The following ASB4 variants were observed in gnomAD, a reference collection of about 807,000 sequenced individuals.
ASB4 encodes ankyrin repeat and SOCS box containing 4.
Under a neutral mutation model 38.6 loss-of-function variants are expected in ASB4, and 35 were observed. The ratio of observed to expected loss-of-function variants is 0.91; its 90% confidence interval spans 0.69 to 1.20. ASB4 has a LOEUF of 1.20. Ranked by LOEUF, ASB4 falls within the 50% of genes most tolerant of loss-of-function variation. ASB4 has a pLI of 0.00. For synonymous variants in ASB4, 195 were observed against 201.3 expected (o/e 0.97, Z 0.26); for missense variants, 557 against 527.2 (o/e 1.06, Z -0.55).
At chr7:95,488,178 A>G (rs1039540490) in intron 1 of ASB4, among the ~76,000 whole-genome samples, 4 of 152,144 alleles carry the variant, frequency 2.6e-5, no homozygotes, top group Non-Finnish European at 5.9e-5. Flanking sequence ...CATTTCTACT[A>G]AAAATACAAA....
At chr7:95,504,357 G>A (rs965374894) in intron 2 of ASB4, among the ~76,000 whole-genome samples, 4 of 125,656 alleles carry the variant, frequency 3.2e-5, no homozygotes, top group African/African-American at 1.4e-4. Context: ...TCAACCACAT[G>A]TTAGGAAATT....
upstream of ASB4, among the ~76,000 whole-genome samples, chr7:95,477,100 C>G (rs183087954): frequency 9.4e-3 from 1,428 of 151,916 alleles, 8 homozygotes; most frequent in Non-Finnish European, 0.016. Flanking sequence ...TCCGCATTGG[C>G]TTGGATTTTT....
chr7:95,501,579 T>C (rs1159742912), intron 2 of ASB4, among the ~76,000 whole-genome samples: 1 of 152,266 alleles, frequency 6.6e-6, no homozygotes, highest in East Asian at 1.9e-4. Flanking sequence ...ATAGTCATCC[T>C]GCTATACATT....
chr7:95,492,498 C>G (rs1283629697), intron 1 of ASB4, among the ~76,000 whole-genome samples: 3 of 152,122 alleles, frequency 2.0e-5, no homozygotes. Flanking sequence ...TTGAGGCAGG[C>G]AACTCATGGC....
the ASB4 span, among the ~76,000 whole-genome samples, chr7:95,549,488 A>G: frequency 0.44 from 66,538 of 151,112 alleles, 14,994 homozygotes; most frequent in East Asian, 0.82. Flanking sequence ...TAGTAGAGAC[A>G]GGGTTTCACC....
At chr7:95,545,581 A>G in the ASB4 span, among the ~76,000 whole-genome samples, 4 of 149,164 alleles carry the variant, frequency 2.7e-5, no homozygotes, top group Non-Finnish European at 6.0e-5. Flanking sequence ...CTCTTCCCTT[A>G]TTGTTTCTTG....
At chr7:95,534,413 G>A (rs1346723671) in intron 3 of ASB4, among the ~76,000 whole-genome samples, 1 of 151,078 alleles carries the variant, frequency 6.6e-6, no homozygotes, top group African/African-American at 2.4e-5. Context: ...CCTTATTTCT[G>A]TCAATCAGTG....
intron 2 of ASB4, among the ~76,000 whole-genome samples, chr7:95,510,741 T>C (rs1790468148): frequency 1.3e-5 from 2 of 152,196 alleles, no homozygotes; most frequent in South Asian, 4.1e-4. Context: ...TCTGACCCAC[T>C]CTCTTTAAAT....
rs1235282887 is a variant in ASB4 at position 95,538,771 on chromosome 7, A to T, written c.*1012A>T. 6.6e-6 allele frequency: 1 copy of T among 152,192 alleles called. No homozygotes were observed. Among genetic ancestry groups the T allele is most frequent in the Non-Finnish European group, 1.5e-5 (1 of 68,040 alleles). 9.4% of individuals were successfully genotyped at this position (152,192 alleles called of 1,614,324 possible). On this transcript the variant is annotated 3_prime_UTR_variant, in exon 5 of 5. Transcript: ENST00000325885. Reference sequence around the variant, plus strand: ...CTCAATGGCTCCAGTGCATGTGACAAGGAAGCATAGGAAAATGGGGGAAAG... The same window carrying T: ...CTCAATGGCTCCAGTGCATGTGACATGGAAGCATAGGAAAATGGGGGAAAG...
chr7:95,508,099 T>A (rs1790434820), intron 2 of ASB4, among the ~76,000 whole-genome samples: 1 of 152,026 alleles, frequency 6.6e-6, no homozygotes, highest in Non-Finnish European at 1.5e-5. Context: ...AACCTGAGCA[T>A]TTAAAAAACT....
At chr7:95,489,674 C>T (rs1200868774) in intron 1 of ASB4, among the ~76,000 whole-genome samples, 1 of 152,068 alleles carries the variant, frequency 6.6e-6, no homozygotes, top group Non-Finnish European at 1.5e-5. Flanking sequence ...TTGCGTTTAC[C>T]AGATGATCAC....
intron 2 of ASB4, among the ~76,000 whole-genome samples, chr7:95,510,633 T>C (rs1454707128): frequency 6.6e-6 from 1 of 152,228 alleles, no homozygotes; most frequent in Non-Finnish European, 1.5e-5. Context: ...TTCTCAAGTT[T>C]GGGTTGCTTA....
chr7:95,515,296 TCTTTCTTTCTTTCTTTCTTTCTTC>T (rs1296950865), intron 2 of ASB4, among the ~76,000 whole-genome samples: 3 of 127,336 alleles, frequency 2.4e-5, no homozygotes, highest in African/African-American at 8.5e-5. Context: ...TTTCTTTCTT[TCTTTCTTTCTTTCTTTCTTTCTTC>T]CTTCCTTCCT....
chr7:95,541,528 C>T (rs896497755), downstream of ASB4, among the ~76,000 whole-genome samples: 7 of 152,062 alleles, frequency 4.6e-5, no homozygotes, highest in Non-Finnish European at 8.8e-5. Context: ...TGGGAATCCA[C>T]GGGGGAACAA....
intron 2 of ASB4, among the ~76,000 whole-genome samples, chr7:95,501,757 T>C (rs986850353): frequency 1.3e-5 from 2 of 152,158 alleles, no homozygotes; most frequent in African/African-American, 4.8e-5. Context: ...CCATCTCTTT[T>C]GTTCTTGTCA....
intron 3 of ASB4, 79 bp downstream of exon 3, chr7:95,528,382 C>A: frequency 6.3e-7 from 1 of 1,597,852 alleles, no homozygotes; most frequent in South Asian, 1.1e-5. Context: ...GTAACTCAAG[C>A]TTGCTTGAGG....
chr7:95,485,794 G>T, upstream of ASB4: 1 of 541,060 alleles, frequency 1.8e-6, no homozygotes, highest in South Asian at 3.4e-5. Context: ...ACCTGAAAAT[G>T]TAGTGACAGC....
At position 95,486,073 on chromosome 7, in the gene ASB4, G is replaced by C. The variant is rs1490262910; in HGVS notation, c.102G>C (p.Lys34Asn). 6.2e-7 allele frequency: 1 copy of C among 1,613,974 alleles called. No individual in the cohort carries two copies. The highest frequency in any genetic ancestry group is 8.5e-7 in the Non-Finnish European group (1 of 1,179,982). The change falls in exon 1 of 5, where the codon AAG (lysine) becomes AAC (asparagine). Residue 34 changes from lysine (K) to asparagine (N), a missense_variant. By Grantham distance (94) the Lys-to-Asn change is moderately conservative. Transcript: ENST00000325885. ...AGTCCAATGACTTCGGAAAATTGAA[G>C]GCTATTTTGATCCAAAGGCAAATAG... ...ALKSNDFGKLKAILIQRQIDV... is the reference protein window; with the variant it reads ...ALKSNDFGKLNAILIQRQIDV...
At chr7:95,496,919 G>A (rs932803792) in intron 2 of ASB4, among the ~76,000 whole-genome samples, 3 of 152,092 alleles carry the variant, frequency 2.0e-5, no homozygotes, top group Non-Finnish European at 2.9e-5. Flanking sequence ...AAAGAACGCC[G>A]AGAGGAAGAG....
Sources: allele counts gnomAD v4.1 joint callset (sites outside exome capture counted in the v4.1 genomes callset), GRCh38; gene constraint gnomAD v4.1.1; transcripts MANE v1.5; gene names NCBI Gene and HGNC (gene_info 2026-07-23, HGNC 2026-07-21).